CENPV: variants seen among roughly 807,000 people sequenced by gnomAD.
The protein encoded by CENPV is centromere protein V, also known as nuclear protein p30.
In CENPV, 15 loss-of-function variants were observed where a neutral mutation model predicts 26.4. The observed-to-expected ratio is 0.57, with a 90% CI of 0.38 to 0.88. The LOEUF is 0.88. CENPV is among the 40% of genes least tolerant of loss of function. The pLI is 0.00. For missense variants in CENPV, 336 were observed against 376.5 expected, an observed-to-expected ratio of 0.89 and a Z score of 0.89; for synonymous variants, 172 against 165.5, an observed-to-expected ratio of 1.04 and a Z score of -0.30.
Position 16,342,557 on chromosome 17 carries a change from T to A in CENPV, c.*260A>T, listed in dbSNP as rs1484302692. ...ACTGCTTTAATGTTAAAAATATTTA[T>A]TTTTTTTCCTAAAAGATCACACAAA... is the stretch of plus-strand genomic sequence containing the variant. On this transcript the variant is annotated 3_prime_UTR_variant, in exon 5 of 5. Transcript: ENST00000299736. 1 of 544,048 alleles carries A rather than the reference T, an allele frequency of 1.8e-6. No individual in the cohort carries two copies. Among genetic ancestry groups the A allele is most frequent in the Non-Finnish European group, 3.3e-6 (1 of 306,180 alleles). The allele number at this position is 544,048 out of a possible 1,614,324, so 33.7% of individuals were successfully genotyped here.
chr17:16,346,765 A>C (rs932715288), intron 3 of CENPV, among the ~76,000 whole-genome samples: 6 of 151,904 alleles, frequency 3.9e-5, no homozygotes, highest in African/African-American at 1.5e-4. Context: ...AAAGTTAAGC[A>C]AGGTATAAAA....
chr17:16,348,964 T>G (rs1322498632), intron 2 of CENPV: 7 of 1,131,482 alleles, frequency 6.2e-6, no homozygotes, highest in Non-Finnish European at 7.7e-6. Flanking sequence ...TTCTTTACAG[T>G]GAAGAGAAGC....
chr17:16,342,713 C>T lies in CENPV; in HGVS notation c.*104G>A. On this transcript the variant is annotated 3_prime_UTR_variant, in exon 5 of 5. Transcript: ENST00000299736. ...AGATGACCCTAGTCAACGGAACCAG[C>T]AGCCCAGGTCAGCCACATTCAGGAG... The T allele has an allele frequency of 7.2e-7, 1 of 1,385,384 alleles. No individual in the cohort carries two copies. The highest frequency in any genetic ancestry group is 1.0e-6 in the Non-Finnish European group (1 of 988,734). 85.8% of individuals were successfully genotyped at this position (1,385,384 alleles called of 1,614,324 possible). A position where few individuals can be genotyped will look rare whatever the true frequency, so the allele number is the denominator to read the frequency against.
intron 2 of CENPV, 64 bp from the exon 3 acceptor site, chr17:16,348,749 G>T (rs751591786): frequency 6.2e-7 from 1 of 1,602,192 alleles, no homozygotes; most frequent in Non-Finnish European, 8.5e-7. Context: ...TGCCTGAGCG[G>T]CCCAGCCATG....
At chr17:16,350,081 GCTCT>G (rs756628960) in intron 1 of CENPV, 52 bp from the exon 2 acceptor site, 20 of 1,586,604 alleles carry the variant, frequency 1.3e-5, no homozygotes, top group South Asian at 3.5e-5. Flanking sequence ...GCTGCCTCCT[GCTCT>G]CTTTTTGTTG....
At chr17:16,347,398 C>G (rs2093211609) in intron 3 of CENPV, 1 of 152,148 alleles carries the variant, frequency 6.6e-6, no homozygotes, top group Admixed American at 6.6e-5. Flanking sequence ...GCCAAGTGGT[C>G]CCAAGCCATC....
chr17:16,346,841 TTTTTG>T lies in CENPV; in HGVS notation c.579+1770_579+1774del, dbSNP rs201301054. On this transcript the variant is annotated intron_variant, in intron 3 of 4. Coordinates refer to ENST00000299736, the MANE Select transcript of CENPV (RefSeq NM_181716.3). ...AGGCTATATACTGGTATGTGTGGTG[TTTTTG>T]TTTTGTTTTGTTTTGTTTTTTTGAG... 2.4e-4 allele frequency among the ~76,000 whole-genome samples: 37 copies of T among 151,354 alleles called. No homozygotes were observed. In the East Asian group the frequency reaches 4.7e-3, roughly 19 times the overall value.
At chr17:16,347,068 G>T (rs1600903863) in intron 3 of CENPV, among the ~76,000 whole-genome samples, 1 of 151,972 alleles carries the variant, frequency 6.6e-6, no homozygotes, top group East Asian at 1.9e-4. Context: ...CCAGGCTGGT[G>T]TTGAACTCCT....
At chr17:16,345,386 T>C (rs1043469590) in intron 3 of CENPV, among the ~76,000 whole-genome samples, 2 of 149,586 alleles carry the variant, frequency 1.3e-5, no homozygotes, top group African/African-American at 5.0e-5. Flanking sequence ...CTGGGCAACA[T>C]GGCAAAACCC....
intron 1 of CENPV, chr17:16,351,812 C>G (rs544608745): frequency 6.6e-6 from 1 of 152,270 alleles, no homozygotes; most frequent in African/African-American, 2.4e-5. Context: ...TTGAGTTTTA[C>G]ATTCTTCTTT....
intron 3 of CENPV, 54 bp from the exon 4 acceptor site, chr17:16,344,765 A>T (rs181683519): frequency 5.5e-4 from 527 of 955,634 alleles, no homozygotes; most frequent in Middle Eastern, 1.8e-3. Context: ...TTATTTATTT[A>T]ATTTATTTAT....
At chr17:16,349,493 G>A (rs1413276435) in intron 2 of CENPV, 56 of 987,020 alleles carry the variant, frequency 5.7e-5, no homozygotes, top group Non-Finnish European at 6.5e-5. Context: ...CAACCGAAGA[G>A]CAGAGCGAGA....
At chr17:16,345,435 T>C (rs780556768) in intron 3 of CENPV, among the ~76,000 whole-genome samples, 1 of 147,206 alleles carries the variant, frequency 6.8e-6, no homozygotes, top group Non-Finnish European at 1.5e-5. Flanking sequence ...CCAGGTGCAG[T>C]GGCACACATC....
chr17:16,344,299 C>A, intron 4 of CENPV: 1 of 207,662 alleles, frequency 4.8e-6, no homozygotes, highest in Non-Finnish European at 9.6e-6. Context: ...TCCTCCCTAC[C>A]CTTCAACACC....
At chr17:16,346,369 C>G (rs1020835008) in intron 3 of CENPV, among the ~76,000 whole-genome samples, 7 of 152,168 alleles carry the variant, frequency 4.6e-5, no homozygotes, top group African/African-American at 1.7e-4. Flanking sequence ...ATTATGGACA[C>G]TCATAAAATG....
intron 3 of CENPV, chr17:16,347,973 G>A (rs2093214410): frequency 6.6e-6 from 1 of 152,182 alleles, no homozygotes; most frequent in African/African-American, 2.4e-5. Flanking sequence ...AATAGGTTTA[G>A]ATGTATTTCT....
chr17:16,344,565 C>G, intron 4 of CENPV, 32 bp downstream of exon 4: 1 of 1,334,212 alleles, frequency 7.5e-7, no homozygotes, highest in Non-Finnish European at 1.0e-6. Context: ...CTCTGTGTCC[C>G]CCTGAGCTTG....
intron 3 of CENPV, among the ~76,000 whole-genome samples, chr17:16,345,279 A>C (rs865927747): frequency 2.0e-5 from 3 of 147,402 alleles, no homozygotes; most frequent in African/African-American, 7.8e-5. Flanking sequence ...AAAAAAAAAA[A>C]AACACCTTTG....
chr17:16,347,253 G>A (rs1260896366), intron 3 of CENPV, among the ~76,000 whole-genome samples: 2 of 152,146 alleles, frequency 1.3e-5, no homozygotes, highest in Non-Finnish European at 2.9e-5. Context: ...AAGGGGTGGA[G>A]GTTTCTTATC....
Sources: allele counts gnomAD v4.1 joint callset (sites outside exome capture counted in the v4.1 genomes callset), GRCh38; gene constraint gnomAD v4.1.1; transcripts MANE v1.5; gene names NCBI Gene and HGNC (gene_info 2026-07-23, HGNC 2026-07-21).